USP47: variants seen among roughly 807,000 people sequenced by gnomAD.
The protein encoded by USP47 is ubiquitin carboxyl-terminal hydrolase 47.
Under a neutral mutation model 165.1 loss-of-function variants are expected in USP47, and 35 were observed. The ratio of observed to expected loss-of-function variants is 0.21; its 90% CI spans 0.16 to 0.28. USP47 has a LOEUF of 0.28. USP47 is among the 10% of genes least tolerant of loss of function. USP47 has a pLI of 1.00. For synonymous variants in USP47, 531 were observed against 544.5 expected (o/e 0.98, Z 0.35); for missense variants, 1,277 against 1,607.4 (o/e 0.79, Z 3.52).
chr11:11,892,450 T>C (rs534084713), intron 4 of USP47, among the ~76,000 whole-genome samples: 1 of 144,242 alleles, frequency 6.9e-6, no homozygotes, highest in East Asian at 2.0e-4. Flanking sequence ...AGCTTGATAA[T>C]GGCTCACTGC....
intron 23 of USP47, 78 bp downstream of exon 23, chr11:11,950,082 A>G: frequency 2.8e-6 from 3 of 1,059,394 alleles, no homozygotes; most frequent in Non-Finnish European, 4.1e-6. Context: ...TGATTTTCTA[A>G]AACTAGGAGA....
intron 1 of USP47, among the ~76,000 whole-genome samples, chr11:11,877,973 A>T (rs7930136): frequency 0.06 from 9,151 of 152,020 alleles, 722 homozygotes; most frequent in African/African-American, 0.18. Context: ...TAGTATTTTT[A>T]AAAAAAGCAA....
In USP47 at chr11:11,960,279, C is replaced by A. The variant is rs1476507555; in HGVS notation, c.*4104C>A. ...GGGGGAAGACATGTGCTAACCACTT[C>A]TTAGCAATGAGGCTGGTAAGGTTAC... On this transcript the variant is annotated 3_prime_UTR_variant, in exon 28 of 28. Transcript: ENST00000527733. 3.9e-5 allele frequency among the ~76,000 whole-genome samples: 6 copies of A among 152,082 alleles called. No individual in the cohort carries two copies. Among genetic ancestry groups the A allele is most frequent in the Non-Finnish European group, 8.8e-5 (6 of 68,004 alleles).
chr11:11,896,529 G>C (rs1851857812), intron 4 of USP47, among the ~76,000 whole-genome samples: 1 of 152,130 alleles, frequency 6.6e-6, no homozygotes, highest in Non-Finnish European at 1.5e-5. Context: ...ATGAAATAAT[G>C]TTTTTTATTA....
intron 8 of USP47, among the ~76,000 whole-genome samples, chr11:11,916,526 A>C (rs1853430367): frequency 1.3e-5 from 2 of 152,200 alleles, no homozygotes; most frequent in African/African-American, 4.8e-5. Flanking sequence ...GGAAAGAAAC[A>C]GAAGAAAAAG....
intron 1 of USP47, among the ~76,000 whole-genome samples, chr11:11,877,954 T>C (rs1490325747): frequency 1.3e-5 from 2 of 151,984 alleles, no homozygotes; most frequent in African/African-American, 4.8e-5. Context: ...ATTTTTTCCT[T>C]TATACTCTTA....
At chr11:11,892,452 G>T in intron 4 of USP47, among the ~76,000 whole-genome samples, 1 of 144,980 alleles carries the variant, frequency 6.9e-6, no homozygotes, top group South Asian at 2.2e-4. Flanking sequence ...CTTGATAATG[G>T]CTCACTGCAG....
chr11:11,917,215 G>A (rs1205149934), intron 8 of USP47, among the ~76,000 whole-genome samples: 1 of 152,142 alleles, frequency 6.6e-6, no homozygotes, highest in Non-Finnish European at 1.5e-5. Flanking sequence ...TGCCAACAGA[G>A]TAGCAATTTC....
chr11:11,945,930 G>A (rs1014096201), intron 20 of USP47, among the ~76,000 whole-genome samples: 2 of 147,344 alleles, frequency 1.4e-5, no homozygotes, highest in African/African-American at 5.1e-5. Flanking sequence ...GCGAGACCCT[G>A]TCCCCCCCCC....
At chr11:11,875,032 ATTG>A in intron 1 of USP47, among the ~76,000 whole-genome samples, 1 of 103,432 alleles carries the variant, frequency 9.7e-6, no homozygotes, top group South Asian at 3.6e-4. Context: ...AAATTGACTT[ATTG>A]TGTGTGTGTG....
intron 4 of USP47, among the ~76,000 whole-genome samples, 175 bp downstream of exon 4, chr11:11,892,281 C>T (rs1025663532): frequency 6.6e-6 from 1 of 151,970 alleles, no homozygotes; most frequent in South Asian, 2.1e-4. Flanking sequence ...CTTCAACCCA[C>T]TCGTTTCTAC....
chr11:11,891,454 G>T lies in USP47; in HGVS notation c.358-514G>T, dbSNP rs1286307760. 3.3e-5 allele frequency among the ~76,000 whole-genome samples: 5 copies of T among 152,186 alleles called. 1 individual carries two copies. The highest frequency in any genetic ancestry group is 1.2e-4 in the African/African-American group (5 of 41,430). On this transcript the variant is annotated intron_variant, in intron 3 of 27. Transcript: ENST00000527733. ...TTTTATGACATCATGAGAAGATTTT[G>T]ATTAGTCTGAGTGACATTGAAATCT...
chr11:11,873,825 A>C, intron 1 of USP47: 1 of 1,491,206 alleles, frequency 6.7e-7, no homozygotes, highest in South Asian at 1.3e-5. Flanking sequence ...TGCAGACAAA[A>C]TATCTTTGAT....
chr11:11,944,188 C>T (rs557617019), intron 20 of USP47, among the ~76,000 whole-genome samples: 16 of 149,734 alleles, frequency 1.1e-4, no homozygotes, highest in Middle Eastern at 3.4e-3. Flanking sequence ...ATGCCAGGCC[C>T]TATGTAACTG....
At chr11:11,845,324 T>C (rs956016376) in intron 1 of USP47, among the ~76,000 whole-genome samples, 10 of 152,188 alleles carry the variant, frequency 6.6e-5, no homozygotes, top group African/African-American at 2.4e-4. Context: ...CTGTTTGTGC[T>C]GCCCCCTCCT....
At chr11:11,920,747 A>G (rs1008679254) in intron 10 of USP47, among the ~76,000 whole-genome samples, 2 of 151,882 alleles carry the variant, frequency 1.3e-5, no homozygotes, top group African/African-American at 4.8e-5. Context: ...TGAAAAGACA[A>G]TAAGGAACTC....
intron 18 of USP47, among the ~76,000 whole-genome samples, chr11:11,939,590 C>T (rs73413245): frequency 0.021 from 3,196 of 151,964 alleles, 97 homozygotes; most frequent in African/African-American, 0.074. Context: ...TAAATGCATA[C>T]TATGTTGGTA....
At chr11:11,950,304 C>A in intron 23 of USP47, 60 bp from the exon 24 acceptor site, 1 of 1,187,324 alleles carries the variant, frequency 8.4e-7, no homozygotes, top group South Asian at 1.5e-5. Context: ...AGATTAGTGT[C>A]AATCTTTAAA....
chr11:11,896,169 A>G (rs1851832513), intron 4 of USP47, among the ~76,000 whole-genome samples: 2 of 152,206 alleles, frequency 1.3e-5, no homozygotes, highest in South Asian at 4.1e-4. Context: ...TGATTTTTAT[A>G]CCTGATGGTA....
Sources: gnomAD v4.1 joint callset for allele counts (sites outside exome capture counted in the v4.1 genomes callset) on GRCh38, gnomAD v4.1.1 for gene constraint, MANE v1.5 for transcripts, NCBI Gene and HGNC (gene_info 2026-07-23, HGNC 2026-07-21) for gene names.